Variants in PXDN observed in about 807,000 individuals in gnomAD.
PXDN encodes peroxidasin homolog.
Under a neutral mutation model 140.3 loss-of-function variants are expected in PXDN, and 77 were observed. The ratio of observed to expected loss-of-function variants is 0.55; its 90% CI spans 0.46 to 0.66. PXDN has a LOEUF of 0.66. Among genes scored for constraint, PXDN ranks in the 30% least tolerant of loss-of-function variants. The probability of loss-of-function intolerance (pLI) is 0.00; values close to 1 mark genes in which losing one functional copy is unlikely to be tolerated. For missense variants in PXDN, 1,838 were observed against 2,039.5 expected, an observed-to-expected ratio of 0.90 and a Z score of 1.90; for synonymous variants, 911 against 857.4, an observed-to-expected ratio of 1.06 and a Z score of -1.09.
In PXDN at chr2:1,671,478, G is replaced by A. The variant is rs145149546; in HGVS notation, c.1018+2165C>T. Among the ~76,000 whole-genome samples, 524 of 151,728 alleles carry A rather than the reference G, an allele frequency of 3.5e-3. 1 individual carries two copies. Among genetic ancestry groups the A allele is most frequent in the African/African-American group, 0.012 (492 of 41,376 alleles). ...CAAATATATGCACATGGAAAGGCTCGGAGAAAAATGGTGGGAAAAGACACA... is the reference window on the plus strand; with the variant it reads ...CAAATATATGCACATGGAAAGGCTCAGAGAAAAATGGTGGGAAAAGACACA... On this transcript the variant is annotated intron_variant, in intron 9 of 22. Coordinates refer to ENST00000252804, the MANE Select transcript of PXDN (RefSeq NM_012293.3).
chr2:1,686,238 C>G (rs1287956329), intron 4 of PXDN, among the ~76,000 whole-genome samples: 1 of 152,222 alleles, frequency 6.6e-6, no homozygotes, highest in African/African-American at 2.4e-5. Context: ...TCGGGCTGCC[C>G]TCAGGCTCAC....
chr2:1,699,552 T>C (rs1208156031), intron 1 of PXDN, among the ~76,000 whole-genome samples: 1 of 151,930 alleles, frequency 6.6e-6, no homozygotes, highest in East Asian at 1.9e-4. Flanking sequence ...CTATTAAAAA[T>C]ACAAAAAATT....
chr2:1,670,709 T>G (rs912452673), intron 9 of PXDN, among the ~76,000 whole-genome samples: 1 of 152,124 alleles, frequency 6.6e-6, no homozygotes, highest in Non-Finnish European at 1.5e-5. Context: ...AAATTTAGCC[T>G]TAAGAGCCTC....
In PXDN at chr2:1,673,653, G is replaced by T. The variant is rs374531463; in HGVS notation, c.1008C>A (p.Phe336Leu). The T allele has an allele frequency of 1.9e-6, 3 of 1,610,660 alleles. No homozygotes were observed. The African/African-American group carries it at 4.0e-5, about 22-fold the overall frequency. ...VKTQEVTLRY[F>L]GSPARPTFVI... Reference sequence around the variant, plus strand: ...ATGCCCGCCACATACCTGGAGACCCGAAGTACCTGAGGGTCACCTCTTGCG... The same window carrying T: ...ATGCCCGCCACATACCTGGAGACCCTAAGTACCTGAGGGTCACCTCTTGCG... The change falls in exon 9 of 23, where the codon TTC becomes TTA. Residue 336 changes from phenylalanine (F) to leucine (L), a missense_variant. Around this residue, in one of 5 missense-constraint regions of PXDN, gnomAD observed 208 missense variants for 325.8 expected, o/e 0.64. Transcript: ENST00000252804.
chr2:1,710,476 CTT>C (rs553454458), intron 1 of PXDN, among the ~76,000 whole-genome samples: 78 of 151,190 alleles, frequency 5.2e-4, no homozygotes, highest in African/African-American at 1.8e-3. Context: ...CCAGCATCCA[CTT>C]TCCACCAGCA....
rs764730963 is a variant in PXDN, at chr2:1,638,804, G to A, written c.4206+42C>T. The A allele has an allele frequency of 1.1e-5, 18 of 1,613,222 alleles. 1 individual carries two copies. In the South Asian group the frequency reaches 1.9e-4, roughly 17 times the overall value. On this transcript the variant is annotated intron_variant, in intron 21 of 22. Transcript: ENST00000252804. ...GGTTCGGGCAGGGCTGTGCTGCTGT[G>A]GAATCTTGGAGTGGGGGGACACAGG...
At position 1,634,061 on chromosome 2, in the gene PXDN, T is replaced by G. The variant is rs1315792297; in HGVS notation, c.*143A>C. On this transcript the variant is annotated 3_prime_UTR_variant, in exon 23 of 23. Coordinates refer to ENST00000252804, the MANE Select transcript of PXDN (RefSeq NM_012293.3). The stretch of plus-strand genomic sequence containing the variant: ...CTGGTTGGAAGCCTCCTGCACTGCC[T>G]TCTGTAACAGCACCAGCTGGACGTT... 2 of 1,332,866 alleles carry G rather than the reference T, an allele frequency of 1.5e-6. No individual in the cohort carries two copies. The highest frequency in any genetic ancestry group is 1.0e-6 in the Non-Finnish European group (1 of 987,276). The allele number at this position is 1,332,866 out of a possible 1,614,324, so 82.6% of individuals were successfully genotyped here. A position where few individuals can be genotyped will look rare whatever the true frequency, so the allele number is the denominator to read the frequency against.
chr2:1,741,623 T>A (rs1248820091), intron 1 of PXDN, among the ~76,000 whole-genome samples: 1 of 152,162 alleles, frequency 6.6e-6, no homozygotes, highest in Non-Finnish European at 1.5e-5. Context: ...ATAAGATGTT[T>A]TCCAATGGCT....
rs781516373 is a variant in PXDN, at chr2:1,648,916, G to A, written c.2864C>T (p.Pro955Leu). Reference sequence around the variant, plus strand: ...CTCGTCCCGCATGCACTCCGTGGGCGGCCCGGTGGCGAAGGGGAGCAGCGG... The same window carrying A: ...CTCGTCCCGCATGCACTCCGTGGGCAGCCCGGTGGCGAAGGGGAGCAGCGG... ...GKPLLPFATG[P>L]PTECMRDENE... The change falls in exon 17 of 23, where the codon CCG becomes CTG. Residue 955 changes from proline to leucine, a missense_variant. By Grantham distance (98) the Pro-to-Leu change is moderately conservative (BLOSUM62 -3). Around this residue, in one of 5 missense-constraint regions of PXDN, gnomAD observed 850 missense variants for 894.1 expected, o/e 0.95. Transcript: ENST00000252804. The surrounding 1 kb of genome is among the most constrained non-coding windows in gnomAD (Gnocchi z 8.9). The A allele has an allele frequency of 6.9e-6, 11 of 1,601,204 alleles. No homozygotes were observed. Among genetic ancestry groups the A allele is most frequent in the African/African-American group, 6.7e-5 (5 of 74,704 alleles).
intron 1 of PXDN, among the ~76,000 whole-genome samples, chr2:1,731,170 AC>A (rs1250942125): frequency 3.3e-4 from 50 of 151,996 alleles, no homozygotes; most frequent in African/African-American, 1.2e-3. Flanking sequence ...ACACACACAC[AC>A]ACACACACAT....
chr2:1,664,036 G>A (rs1017581686), intron 11 of PXDN: 10 of 429,132 alleles, frequency 2.3e-5, no homozygotes, highest in African/African-American at 1.4e-4. Flanking sequence ...ATGGGGACTC[G>A]GGGAGTCAGA....
At position 1,683,789 on chromosome 2, in the gene PXDN, AG is replaced by A. The variant is rs1319145528; in HGVS notation, c.489-63del. On this transcript the variant is annotated intron_variant, in intron 5 of 22. Coordinates refer to ENST00000252804, the MANE Select transcript of PXDN (RefSeq NM_012293.3). ...AAATATTTCTTAAAATGTGTAGAAA[AG>A]AATATAAGCAGTCAAATATATATCA... 9 of 1,324,582 alleles carry A rather than the reference AG, an allele frequency of 6.8e-6. No homozygotes were observed. The African/African-American group carries it at 1.3e-4, about 20-fold the overall frequency. 82.1% of individuals were successfully genotyped at this position (1,324,582 alleles called of 1,614,324 possible).
chr2:1,638,915 T>C lies in PXDN; in HGVS notation c.4137A>G (p.Ala1379=), dbSNP rs768067542. 1 of 1,614,010 alleles carries C rather than the reference T, an allele frequency of 6.2e-7. No individual in the cohort carries two copies. Among genetic ancestry groups the C allele is most frequent in the Non-Finnish European group, 8.5e-7 (1 of 1,179,868 alleles). The change falls in exon 21 of 23, where the codon GCA becomes GCG. Residue 1379 remains alanine, a synonymous_variant. Coordinates refer to ENST00000252804, the MANE Select transcript of PXDN (RefSeq NM_012293.3). The part of the protein sequence containing the change: ...STSAFSTRSD[A]SGTNDFREFV... ...ACTCTCTGAAGTCATTTGTCCCAGATGCATCTGAGCGTGTGCTGAAGGCTG... is the reference window on the plus strand; with the variant it reads ...ACTCTCTGAAGTCATTTGTCCCAGACGCATCTGAGCGTGTGCTGAAGGCTG...
At chr2:1,705,832 G>A (rs1353924572) in intron 1 of PXDN, among the ~76,000 whole-genome samples, 1 of 151,460 alleles carries the variant, frequency 6.6e-6, no homozygotes, top group Non-Finnish European at 1.5e-5. Context: ...GACCTGGGAC[G>A]CAGGGTGCAG....
chr2:1,673,796 T>C lies in PXDN; in HGVS notation c.865A>G (p.Lys289Glu). ...WLRNNNELSM[K>E]TDSRLNLLDD... is the part of the protein sequence containing the mutation. ...AGCAAGTTTAGGCGGGAATCTGTCT[T>C]CATGCTCAGCTCATTACTACAAAGA... is the stretch of plus-strand genomic sequence containing the variant. Residue 289 changes from lysine to glutamate, a missense_variant, in exon 9 of 23, where the codon AAG (lysine) becomes GAG (glutamate). Around this residue, in one of 5 missense-constraint regions of PXDN, gnomAD observed 208 missense variants for 325.8 expected, o/e 0.64. Coordinates refer to ENST00000252804, the MANE Select transcript of PXDN (RefSeq NM_012293.3). 1 of 1,613,994 alleles carries C rather than the reference T, an allele frequency of 6.2e-7. No individual in the cohort carries two copies. Among genetic ancestry groups the C allele is most frequent in the Admixed American group, 1.7e-5 (1 of 60,026 alleles).
At chr2:1,645,298 T>C (rs1281802265) in intron 17 of PXDN, among the ~76,000 whole-genome samples, 1 of 152,196 alleles carries the variant, frequency 6.6e-6, no homozygotes, top group Non-Finnish European at 1.5e-5. Context: ...GAACAAACAT[T>C]TTCATCGACT....
At chr2:1,707,450 G>A (rs1409202578) in intron 1 of PXDN, among the ~76,000 whole-genome samples, 1 of 152,230 alleles carries the variant, frequency 6.6e-6, no homozygotes, top group East Asian at 1.9e-4. Context: ...ATCAATCCCA[G>A]ATGCCTCATC....
chr2:1,679,018 C>T (rs1002106408), intron 7 of PXDN, among the ~76,000 whole-genome samples: 29 of 152,066 alleles, frequency 1.9e-4, no homozygotes, highest in Admixed American at 1.0e-3. Context: ...GTATTTTTGT[C>T]GTATTACAAA....
chr2:1,743,549 T>C (rs1271472166), intron 1 of PXDN, among the ~76,000 whole-genome samples: 1 of 143,798 alleles, frequency 7.0e-6, no homozygotes, highest in African/African-American at 2.6e-5. Context: ...CTGAGGCTCC[T>C]CTGGGGAGGC....
Sources: allele counts gnomAD v4.1 joint callset (sites outside exome capture counted in the v4.1 genomes callset), GRCh38; gene constraint gnomAD v4.1.1; regional missense constraint gnomAD v4.1.1; non-coding constraint Gnocchi (gnomAD v3.1); transcripts MANE v1.5; gene names NCBI Gene and HGNC (gene_info 2026-07-23, HGNC 2026-07-21).